Variants in CSMD1 observed in about 807,000 individuals in gnomAD.
The protein encoded by CSMD1 is CUB and Sushi multiple domains 1.
In CSMD1, 213 loss-of-function variants were observed where a neutral mutation model predicts 417.5. The observed-to-expected ratio is 0.51, with a 90% CI of 0.46 to 0.57. CSMD1 has a LOEUF of 0.57. Ranked by LOEUF, CSMD1 falls within the 20% of genes least tolerant of loss-of-function variation. The probability of loss-of-function intolerance (pLI) is 0.00; values close to 1 mark genes in which losing one functional copy is unlikely to be tolerated. For missense variants in CSMD1, 6,923 were observed against 4,529.7 expected (o/e 1.53, Z -15.17); for synonymous variants, 2,862 against 1,736.8 (o/e 1.65, Z -16.11).
intron 2 of CSMD1, among the ~76,000 whole-genome samples, chr8:4,482,165 G>A (rs528778265): frequency 6.6e-6 from 1 of 152,096 alleles, no homozygotes; most frequent in Non-Finnish European, 1.5e-5. Flanking sequence ...GTGTCATGGG[G>A]GTTTGCTGTA....
intron 3 of CSMD1, among the ~76,000 whole-genome samples, chr8:4,334,733 T>C (rs1004838434): frequency 6.6e-6 from 1 of 152,182 alleles, no homozygotes; most frequent in African/African-American, 2.4e-5. Flanking sequence ...GCATAGATAC[T>C]TGAACGATAC....
At position 4,276,668 on chromosome 8, in the gene CSMD1, G is replaced by C. The variant is rs187624984; in HGVS notation, c.415+143285C>G. 3.8e-3 allele frequency among the ~76,000 whole-genome samples: 582 copies of C among 152,172 alleles called. 6 individuals carry two copies. The highest frequency in any genetic ancestry group is 0.013 in the African/African-American group (556 of 41,504). On this transcript the variant is annotated intron_variant, in intron 3 of 69. Coordinates refer to ENST00000635120, the MANE Select transcript of CSMD1 (RefSeq NM_033225.6). ...GATTCAAAGTCTTATTTTCCTTCTG[G>C]TCATTGATTCAGGAAACGAAGTCTT...
Position 3,962,249 on chromosome 8 carries a change from T to A in CSMD1, c.818+35654A>T, listed in dbSNP as rs78088968. 1.1e-4 allele frequency among the ~76,000 whole-genome samples: 17 copies of A among 152,248 alleles called. No homozygotes were observed. In the East Asian group the frequency reaches 3.1e-3, roughly 28 times the overall value. The stretch of plus-strand genomic sequence containing the variant: ...AAGATTTTCTTCTGTTCACTCCAGA[T>A]TTGGTCATGATGAGGTTCTTCTGTC... On this transcript the variant is annotated intron_variant, in intron 5 of 69. Transcript: ENST00000635120.
At chr8:3,328,760 G>A (rs966284355) in intron 23 of CSMD1, among the ~76,000 whole-genome samples, 3 of 152,146 alleles carry the variant, frequency 2.0e-5, no homozygotes, top group African/African-American at 7.2e-5. Flanking sequence ...TCTGGCTTTT[G>A]TCATCCAATT....
intron 2 of CSMD1, among the ~76,000 whole-genome samples, chr8:4,424,519 T>C (rs546291005): frequency 2.0e-5 from 3 of 151,804 alleles, no homozygotes; most frequent in Admixed American, 6.6e-5. Flanking sequence ...CCAATCAGAA[T>C]AGCTGAAATA....
In CSMD1 at chr8:4,327,761, A is replaced by G. The variant is rs574762605; in HGVS notation, c.415+92192T>C. On this transcript the variant is annotated intron_variant, in intron 3 of 69. Coordinates refer to ENST00000635120, the MANE Select transcript of CSMD1 (RefSeq NM_033225.6). ...GTCCGAAAACATTGTTACATACATT[A>G]TTTTTATTTAATCATAAAACCAAAT... Among the ~76,000 whole-genome samples, 4 of 152,364 alleles carry G rather than the reference A, an allele frequency of 2.6e-5. No homozygotes were observed. The South Asian group carries it at 8.3e-4, about 32-fold the overall frequency.
chr8:3,253,821 T>C (rs531561599), intron 26 of CSMD1, among the ~76,000 whole-genome samples: 1 of 152,208 alleles, frequency 6.6e-6, no homozygotes, highest in South Asian at 2.1e-4. Context: ...GTCTTGACTC[T>C]TTATCCAATT....
chr8:3,644,988 A>AAAAAAAAC (rs1352315818), intron 7 of CSMD1, among the ~76,000 whole-genome samples: 1 of 151,498 alleles, frequency 6.6e-6, no homozygotes, highest in African/African-American at 2.4e-5. Flanking sequence ...AAAAAAAAAA[A>AAAAAAAAC]AAAGTCAATT....
intron 3 of CSMD1, among the ~76,000 whole-genome samples, chr8:4,209,481 C>G (rs930248646): frequency 2.6e-5 from 4 of 152,220 alleles, no homozygotes; most frequent in African/African-American, 7.2e-5. Context: ...TTCCCGAACA[C>G]TTCCCTTAAC....
intron 12 of CSMD1, among the ~76,000 whole-genome samples, chr8:3,436,886 G>A (rs905469592): frequency 6.6e-6 from 1 of 151,994 alleles, no homozygotes; most frequent in African/African-American, 2.4e-5. Flanking sequence ...TTAAGGTAAT[G>A]CCAATTATTA....
chr8:4,763,635 T>C (rs1021114634), intron 1 of CSMD1, among the ~76,000 whole-genome samples: 2 of 152,194 alleles, frequency 1.3e-5, no homozygotes, highest in Non-Finnish European at 2.9e-5. Context: ...CAATTATACT[T>C]AATGGATTAA....
Position 3,141,867 on chromosome 8 carries a change from T to G in CSMD1, c.6241+598A>C, listed in dbSNP as rs1189483957. The stretch of plus-strand genomic sequence containing the variant: ...GGCTGGAGTGCAGTGGCGCGATCTC[T>G]CCTCACTGCAAGCTCCGCCTCCCGG... On this transcript the variant is annotated intron_variant, in intron 41 of 69. Transcript: ENST00000635120. Among the ~76,000 whole-genome samples the G allele has an allele frequency of 3.3e-4, 50 of 150,294 alleles. 1 individual carries two copies. Among genetic ancestry groups the G allele is most frequent in the Middle Eastern group, 3.5e-3 (1 of 288 alleles).
intron 1 of CSMD1, among the ~76,000 whole-genome samples, chr8:4,666,780 G>A (rs968881700): frequency 2.6e-5 from 4 of 151,960 alleles, no homozygotes; most frequent in South Asian, 4.1e-4. Context: ...TTGCAAAAAC[G>A]TTCTCACATT....
intron 5 of CSMD1, among the ~76,000 whole-genome samples, chr8:3,956,526 A>G (rs980826108): frequency 6.6e-6 from 1 of 152,242 alleles, no homozygotes; most frequent in African/African-American, 2.4e-5. Flanking sequence ...GTGGAAACTC[A>G]GTAAAAATAA....
At chr8:4,755,539 C>T (rs1262407822) in intron 1 of CSMD1, among the ~76,000 whole-genome samples, 2 of 151,964 alleles carry the variant, frequency 1.3e-5, no homozygotes, top group African/African-American at 4.8e-5. Flanking sequence ...TCTTATACAC[C>T]TGTCCTGATT....
At chr8:4,558,633 G>A (rs1363084599) in intron 2 of CSMD1, among the ~76,000 whole-genome samples, 1 of 152,120 alleles carries the variant, frequency 6.6e-6, no homozygotes, top group Non-Finnish European at 1.5e-5. Context: ...TTGGGAGGCT[G>A]AGGCAGCTGG....
intron 2 of CSMD1, among the ~76,000 whole-genome samples, chr8:4,610,943 C>T (rs1251246149): frequency 2.0e-5 from 3 of 152,222 alleles, no homozygotes; most frequent in South Asian, 2.1e-4. Flanking sequence ...AAATCACATT[C>T]GATAAAATTG....
intron 3 of CSMD1, among the ~76,000 whole-genome samples, chr8:4,359,406 T>G (rs918317534): frequency 6.6e-6 from 1 of 152,260 alleles, no homozygotes; most frequent in Non-Finnish European, 1.5e-5. Context: ...ACATATTAAC[T>G]AGAGAAGCTT....
intron 3 of CSMD1, among the ~76,000 whole-genome samples, chr8:4,191,568 T>A (rs763017763): frequency 1.3e-5 from 2 of 152,144 alleles, no homozygotes; most frequent in African/African-American, 2.4e-5. Flanking sequence ...TGCTTGTACT[T>A]CATCCATGAA....
Sources: allele counts gnomAD v4.1 joint callset (sites outside exome capture counted in the v4.1 genomes callset), GRCh38; gene constraint gnomAD v4.1.1; transcripts MANE v1.5; gene names NCBI Gene and HGNC (gene_info 2026-07-23, HGNC 2026-07-21).